ARID1B: variants seen among roughly 807,000 people sequenced by gnomAD.
The protein encoded by ARID1B is AT-rich interaction domain 1B.
Under a neutral mutation model 212.3 loss-of-function variants are expected in ARID1B, and 30 were observed. The ratio of observed to expected loss-of-function variants is 0.14; its 90% CI spans 0.11 to 0.19. The LOEUF (loss-of-function observed/expected upper bound fraction) is 0.19, where lower values mean the gene tolerates loss of function less well. Ranked by LOEUF, ARID1B falls within the 10% of genes least tolerant of loss-of-function variation. The probability of loss-of-function intolerance (pLI) is 1.00; values close to 1 mark genes in which losing one functional copy is unlikely to be tolerated. For missense variants in ARID1B, 2,891 were observed against 3,204.0 expected (o/e 0.90, Z 2.36); for synonymous variants, 1,402 against 1,301.7 (o/e 1.08, Z -1.66).
intron 2 of ARID1B, among the ~76,000 whole-genome samples, chr6:156,866,837 A>G (rs757801088): frequency 5.3e-5 from 8 of 152,218 alleles, no homozygotes; most frequent in Non-Finnish European, 1.2e-4. Context: ...TGTCTACACG[A>G]GTTCTTTTGA....
At chr6:156,936,689 T>C (rs1217508881) in intron 4 of ARID1B, 1 of 150,986 alleles carries the variant, frequency 6.6e-6, no homozygotes, top group African/African-American at 2.4e-5. Context: ...AGAATAAATC[T>C]ATACCAATAA....
chr6:156,982,441 T>G (rs938318877), intron 4 of ARID1B, among the ~76,000 whole-genome samples: 6 of 151,222 alleles, frequency 4.0e-5, no homozygotes, highest in Non-Finnish European at 8.8e-5. Flanking sequence ...TTTTTTTTTT[T>G]GTACTTCATT....
chr6:157,108,184 A>G (rs1786628551), intron 5 of ARID1B, among the ~76,000 whole-genome samples: 1 of 152,206 alleles, frequency 6.6e-6, no homozygotes. Context: ...AACAGAATGA[A>G]TTTGGTATGT....
intron 4 of ARID1B, among the ~76,000 whole-genome samples, chr6:157,015,015 G>A (rs1779833418): frequency 6.6e-6 from 1 of 152,118 alleles, no homozygotes; most frequent in South Asian, 2.1e-4. Context: ...AATCTGACTC[G>A]AGGGCATCAG....
chr6:157,197,332 G>A (rs376083278), intron 16 of ARID1B, among the ~76,000 whole-genome samples: 6 of 152,346 alleles, frequency 3.9e-5, no homozygotes, highest in South Asian at 2.1e-4. Context: ...CTGTTCTACC[G>A]GGGACCGGCT....
At chr6:157,023,748 T>C (rs1780474880) in intron 4 of ARID1B, 1 of 152,234 alleles carries the variant, frequency 6.6e-6, no homozygotes, top group Non-Finnish European at 1.5e-5. Context: ...GTAATTTCTA[T>C]TTGCTGCAAA....
intron 4 of ARID1B, among the ~76,000 whole-genome samples, chr6:156,970,644 A>G (rs9968776): frequency 0.01 from 1,581 of 152,346 alleles, 27 homozygotes; most frequent in African/African-American, 0.036. Context: ...TAATTCTTTT[A>G]GGTTATAGAG....
At chr6:157,174,235 T>C in intron 10 of ARID1B, 118 bp downstream of exon 10, 1 of 776,286 alleles carries the variant, frequency 1.3e-6, no homozygotes, top group Non-Finnish European at 2.2e-6. Context: ...TCTGCATGCC[T>C]TCATTTTGTG....
At chr6:157,036,685 A>G in intron 4 of ARID1B, 1 of 370,534 alleles carries the variant, frequency 2.7e-6, no homozygotes, top group South Asian at 2.2e-5. Context: ...GAAGATACTC[A>G]CAGATCTCTC....
intron 3 of ARID1B, among the ~76,000 whole-genome samples, chr6:156,926,449 A>G (rs1182771307): frequency 2.0e-5 from 3 of 152,208 alleles, no homozygotes; most frequent in Non-Finnish European, 4.4e-5. Context: ...TTGGAGGCAT[A>G]GTTTTTCAGA....
In ARID1B at chr6:157,039,771, A is replaced by T. The variant is rs578204074; in HGVS notation, c.2248-44891A>T. 2.1e-3 allele frequency among the ~76,000 whole-genome samples: 179 copies of T among 84,314 alleles called. 3 individuals are homozygous for T. The highest frequency in any genetic ancestry group is 0.021 in the Middle Eastern group (2 of 96). 55.3% of individuals were successfully genotyped at this position (84,314 alleles called of 152,430 possible). A position where few individuals can be genotyped will look rare whatever the true frequency, so the allele number is the denominator to read the frequency against. ...TTCCTTCCTTCCTACCTTCCTACCT[A>T]CCTACCTTCCTTCCTTCCTTCCTTC... is the stretch of plus-strand genomic sequence containing the variant. On this transcript the variant is annotated intron_variant, in intron 4 of 19. Coordinates refer to ENST00000636930, the MANE Select transcript of ARID1B (RefSeq NM_001374828.1).
chr6:157,148,568 G>T lies in ARID1B; in HGVS notation c.2762-56G>T. On this transcript the variant is annotated intron_variant, in intron 7 of 19. Transcript: ENST00000636930. This position sits in a 1 kb window ranked among gnomAD's most constrained non-coding sequence, Gnocchi z 5.6. The stretch of plus-strand genomic sequence containing the variant: ...TTGTTGGACAAAAAGTATTTCCAGT[G>T]AATGTTGTCACAAGTTTAAATAAAA... The T allele has an allele frequency of 6.5e-7, 1 of 1,535,560 alleles. No homozygotes were observed. Among genetic ancestry groups the T allele is most frequent in the South Asian group, 1.2e-5 (1 of 82,486 alleles).
At chr6:157,083,993 G>A (rs1327693597) in intron 4 of ARID1B, among the ~76,000 whole-genome samples, 2 of 151,948 alleles carry the variant, frequency 1.3e-5, no homozygotes, top group Non-Finnish European at 2.9e-5. Context: ...AATTAGCCAG[G>A]TGTGGTGGCA....
At chr6:157,033,533 G>A (rs1178110494) in intron 4 of ARID1B, among the ~76,000 whole-genome samples, 13 of 152,182 alleles carry the variant, frequency 8.5e-5, no homozygotes, top group East Asian at 5.8e-4. Flanking sequence ...AGGAAAGTAC[G>A]GCCAGTTTTA....
At chr6:156,944,170 G>A (rs1792883953) in intron 4 of ARID1B, among the ~76,000 whole-genome samples, 1 of 152,142 alleles carries the variant, frequency 6.6e-6, no homozygotes, top group African/African-American at 2.4e-5. Context: ...ATAAAAACGG[G>A]CCCTTTGCAT....
chr6:157,191,908 G>A (rs1340656009), intron 15 of ARID1B, among the ~76,000 whole-genome samples: 5 of 152,148 alleles, frequency 3.3e-5, no homozygotes, highest in Non-Finnish European at 7.4e-5. Flanking sequence ...CAAAGCCTTG[G>A]TTTTCATATG....
intron 1 of ARID1B, among the ~76,000 whole-genome samples, chr6:156,806,863 G>A (rs1781196744): frequency 6.6e-6 from 1 of 152,254 alleles, no homozygotes; most frequent in Non-Finnish European, 1.5e-5. Flanking sequence ...CTGAGGCAGT[G>A]CTGAAGTGTC....
At chr6:157,167,361 A>T (rs1202139168) in intron 9 of ARID1B, 176 bp downstream of exon 9, 1 of 597,478 alleles carries the variant, frequency 1.7e-6, no homozygotes, top group South Asian at 3.4e-5. Context: ...CTTGAGAATT[A>T]CATTATATTT....
chr6:156,850,458 A>G (rs1439874732), intron 2 of ARID1B, among the ~76,000 whole-genome samples: 3 of 152,180 alleles, frequency 2.0e-5, no homozygotes, highest in South Asian at 2.1e-4. Context: ...TTTGTAGGCT[A>G]TGCCACTTTT....
Sources: gnomAD v4.1 joint callset for allele counts (sites outside exome capture counted in the v4.1 genomes callset) on GRCh38, gnomAD v4.1.1 for gene constraint, Gnocchi (gnomAD v3.1) non-coding constraint, MANE v1.5 for transcripts, NCBI Gene and HGNC (gene_info 2026-07-23, HGNC 2026-07-21) for gene names.